The following CCDC30 variants were observed in gnomAD, a reference collection of about 807,000 sequenced individuals.
CCDC30 encodes the protein coiled-coil domain-containing protein 30.
In CCDC30, 70 loss-of-function variants were observed where a neutral mutation model predicts 100.2. That is an observed-to-expected ratio of 0.70 (90% CI 0.58 to 0.85). The LOEUF is 0.85. CCDC30 is among the 40% of genes least tolerant of loss of function. CCDC30 has a pLI of 0.00. For missense variants in CCDC30, 652 were observed against 771.2 expected, an observed-to-expected ratio of 0.85 and a Z score of 1.83; for synonymous variants, 233 against 269.5, an observed-to-expected ratio of 0.86 and a Z score of 1.33.
chr1:42,644,851 T>A (rs749415168), intron 14 of CCDC30, 44 bp downstream of exon 18: 1 of 1,255,838 alleles, frequency 8.0e-7, no homozygotes, highest in Non-Finnish European at 1.2e-6. Flanking sequence ...AATGTGAAGT[T>A]CGGGTTGCTA....
intron 6 of CCDC30, among the ~76,000 whole-genome samples, chr1:42,561,974 C>G (rs1645497614): frequency 6.6e-6 from 1 of 152,118 alleles, no homozygotes; most frequent in Admixed American, 6.6e-5. Flanking sequence ...GAAAAATGTT[C>G]CATCCTAACA....
chr1:42,545,502 C>G (rs1645110413), intron 6 of CCDC30: 1 of 1,605,572 alleles, frequency 6.2e-7, no homozygotes, highest in African/African-American at 1.3e-5. Flanking sequence ...GTGAAAATAC[C>G]TGTAAAGATC....
chr1:42,586,148 G>T (rs1262142822), intron 9 of CCDC30, among the ~76,000 whole-genome samples: 1 of 152,180 alleles, frequency 6.6e-6, no homozygotes, highest in African/African-American at 2.4e-5. Flanking sequence ...GAAGTAGTTG[G>T]TATCAAGAAG....
chr1:42,647,262 T>C (rs1647965745), intron 15 of CCDC30, among the ~76,000 whole-genome samples: 1 of 152,012 alleles, frequency 6.6e-6, no homozygotes, highest in South Asian at 2.1e-4. Context: ...TCCATGCAAC[T>C]GGAAACCAAA....
chr1:42,589,512 G>C, intron 10 of CCDC30, 29 bp downstream of exon 14: 1 of 1,588,702 alleles, frequency 6.3e-7, no homozygotes, highest in Non-Finnish European at 8.6e-7. Flanking sequence ...ATGCTTCTCA[G>C]TTTTCCTATT....
intron 11 of CCDC30, among the ~76,000 whole-genome samples, chr1:42,611,554 A>G (rs1646624254): frequency 1.1e-5 from 1 of 89,796 alleles, no homozygotes; most frequent in Admixed American, 1.2e-4. Context: ...CTCTCTTTCT[A>G]TACATACATA....
exon 14 of CCDC30, chr1:42,644,797 G>A (rs867134188): frequency 9.3e-6 from 15 of 1,604,492 alleles, no homozygotes; most frequent in South Asian, 4.4e-5. Context: ...ATCCATATTC[G>A]CAGAGGAGAG....
At chr1:42,614,768 CAGAGTA>C (rs1454566680) in intron 11 of CCDC30, among the ~76,000 whole-genome samples, 2 of 148,670 alleles carry the variant, frequency 1.3e-5, no homozygotes, top group African/African-American at 5.0e-5. Context: ...GCCTGAATGA[CAGAGTA>C]AGACTCCATC....
At chr1:42,618,637 C>T (rs942298541) in intron 11 of CCDC30, among the ~76,000 whole-genome samples, 1 of 152,142 alleles carries the variant, frequency 6.6e-6, no homozygotes, top group African/African-American at 2.4e-5. Context: ...TATAAAGAAC[C>T]TAAGTCACAG....
chr1:42,476,481 G>A (rs1043871125), intron 1 of CCDC30, among the ~76,000 whole-genome samples: 1 of 151,928 alleles, frequency 6.6e-6, no homozygotes, highest in Non-Finnish European at 1.5e-5. Flanking sequence ...ACCTGAGGTG[G>A]GGAGTTCGAG....
upstream of CCDC30, chr1:42,460,201 T>G: frequency 8.8e-7 from 1 of 1,133,198 alleles, no homozygotes; most frequent in Non-Finnish European, 1.1e-6. Flanking sequence ...GGGGCCTGAA[T>G]GTCAGCCATC....
At chr1:42,567,713 A>G (rs1388988598) in intron 7 of CCDC30, among the ~76,000 whole-genome samples, 1 of 152,000 alleles carries the variant, frequency 6.6e-6, no homozygotes, top group Non-Finnish European at 1.5e-5. Flanking sequence ...CTTCAAGGAC[A>G]TTTCTTAGAT....
intron 10 of CCDC30, among the ~76,000 whole-genome samples, chr1:42,606,804 T>G (rs1182072000): frequency 6.6e-6 from 1 of 152,158 alleles, no homozygotes; most frequent in Non-Finnish European, 1.5e-5. Flanking sequence ...CTGAATTGCT[T>G]CATAGGTACC....
chr1:42,502,072 A>G (rs1386145166), intron 6 of CCDC30, among the ~76,000 whole-genome samples: 1 of 152,200 alleles, frequency 6.6e-6, no homozygotes, highest in African/African-American at 2.4e-5. Context: ...CTACAGAGGC[A>G]GGCAGGCCTC....
chr1:42,544,116 C>T (rs773905150), intron 6 of CCDC30, among the ~76,000 whole-genome samples: 1 of 152,136 alleles, frequency 6.6e-6, no homozygotes, highest in Non-Finnish European at 1.5e-5. Flanking sequence ...TGGACTCAAA[C>T]TCCTGGCCTC....
chr1:42,586,073 G>A (rs12045479), intron 9 of CCDC30, among the ~76,000 whole-genome samples: 31,301 of 152,078 alleles, frequency 0.21, 3,493 homozygotes, highest in South Asian at 0.42. Context: ...TACATAACAC[G>A]GATATCTATG....
chr1:42,572,466 C>A (rs1312595118), intron 7 of CCDC30, among the ~76,000 whole-genome samples: 2 of 151,972 alleles, frequency 1.3e-5, no homozygotes, highest in Non-Finnish European at 2.9e-5. Flanking sequence ...CATTTTCATT[C>A]TCCTTATATA....
intron 7 of CCDC30, 58 bp downstream of exon 11, chr1:42,566,533 GA>G (rs1645610716): frequency 1.4e-6 from 2 of 1,382,696 alleles, no homozygotes; most frequent in Non-Finnish European, 2.0e-6. Context: ...GGGAATAAAC[GA>G]ATCTAAGTTC....
At chr1:42,644,865 C>G (rs1023238830) in intron 14 of CCDC30, 58 bp downstream of exon 18, 13 of 1,058,500 alleles carry the variant, frequency 1.2e-5, no homozygotes, top group African/African-American at 1.1e-4. Context: ...GTTGCTACGG[C>G]TGCTGTGCTG....
Sources: gnomAD v4.1 joint callset for allele counts (sites outside exome capture counted in the v4.1 genomes callset) on GRCh38, gnomAD v4.1.1 for gene constraint, MANE v1.5 for transcripts, NCBI Gene and HGNC (gene_info 2026-07-23, HGNC 2026-07-21) for gene names.